SHISA9: variants seen among roughly 807,000 people sequenced by gnomAD.
The protein encoded by SHISA9 is shisa family member 9.
SHISA9 carries 13 observed loss-of-function variants against 38.0 expected under a neutral mutation model. The observed-to-expected ratio is 0.34, with a 90% CI of 0.22 to 0.54. The LOEUF (loss-of-function observed/expected upper bound fraction) is 0.54. Among genes scored for constraint, SHISA9 ranks in the 20% least tolerant of loss-of-function variants. The probability of loss-of-function intolerance (pLI) is 0.91; values close to 1 mark genes in which losing one functional copy is unlikely to be tolerated. For missense variants in SHISA9, 538 were observed against 575.8 expected (o/e 0.93, Z 0.67); for synonymous variants, 275 against 242.0 (o/e 1.14, Z -1.27).
At chr16:13,301,038 C>T in the SHISA9 span, among the ~76,000 whole-genome samples, 28 of 152,106 alleles carry the variant, frequency 1.8e-4, no homozygotes, top group South Asian at 5.4e-3. Flanking sequence ...ATCACCAATT[C>T]GTCTTTCCCT....
chr16:13,011,929 G>A (rs539085685), intron 2 of SHISA9, among the ~76,000 whole-genome samples: 4 of 151,496 alleles, frequency 2.6e-5, no homozygotes, highest in East Asian at 1.9e-4. Flanking sequence ...AGGTTCAAGC[G>A]ATTCTCATGC....
chr16:13,204,941 C>T (rs1001788550), intron 3 of SHISA9: 7 of 152,200 alleles, frequency 4.6e-5, no homozygotes, highest in African/African-American at 1.7e-4. Flanking sequence ...GATAGTTACC[C>T]TGACAGTGAC....
chr16:13,510,194 G>A, the SHISA9 span, among the ~76,000 whole-genome samples: 7 of 152,140 alleles, frequency 4.6e-5, no homozygotes. Flanking sequence ...TGTAATCCCA[G>A]CTACACGGGA....
At chr16:13,128,529 G>A (rs924487443) in intron 2 of SHISA9, among the ~76,000 whole-genome samples, 15 of 152,096 alleles carry the variant, frequency 9.9e-5, no homozygotes, top group African/African-American at 3.1e-4. Context: ...TACCTACCAT[G>A]TAGGATTGGT....
chr16:12,960,560 T>A (rs942109049), intron 2 of SHISA9, among the ~76,000 whole-genome samples: 1 of 152,132 alleles, frequency 6.6e-6, no homozygotes, highest in Non-Finnish European at 1.5e-5. Context: ...ATGTGGTACA[T>A]ATACACCATG....
the SHISA9 span, among the ~76,000 whole-genome samples, chr16:13,523,831 A>G: frequency 2.6e-5 from 4 of 152,250 alleles, no homozygotes; most frequent in Non-Finnish European, 4.4e-5. Context: ...TCCAAACCAT[A>G]TCAAATAGTA....
At chr16:13,052,358 T>A (rs2073262496) in intron 2 of SHISA9, among the ~76,000 whole-genome samples, 1 of 152,178 alleles carries the variant, frequency 6.6e-6, no homozygotes, top group Non-Finnish European at 1.5e-5. Context: ...CCTGAAATAT[T>A]TGGCTCTAAA....
chr16:12,944,760 G>A (rs549119197), intron 2 of SHISA9, among the ~76,000 whole-genome samples: 2 of 152,142 alleles, frequency 1.3e-5, no homozygotes, highest in South Asian at 4.1e-4. Flanking sequence ...TTGGAAAAAC[G>A]TAGGAATTTT....
chr16:13,176,233 G>A (rs1310846930), intron 2 of SHISA9, among the ~76,000 whole-genome samples: 2 of 152,032 alleles, frequency 1.3e-5, no homozygotes, highest in African/African-American at 4.8e-5. Flanking sequence ...TATATAGCCA[G>A]GCATATTTTG....
At chr16:13,018,396 G>T (rs2072782750) in intron 2 of SHISA9, among the ~76,000 whole-genome samples, 2 of 152,186 alleles carry the variant, frequency 1.3e-5, no homozygotes, top group African/African-American at 4.8e-5. Context: ...GGTATTGCCT[G>T]TTTCCTTTCT....
chr16:12,984,823 G>A (rs2072285623), intron 2 of SHISA9, among the ~76,000 whole-genome samples: 2 of 152,184 alleles, frequency 1.3e-5, no homozygotes, highest in African/African-American at 4.8e-5. Context: ...GGCTGCTGGA[G>A]CCACCCTATA....
the SHISA9 span, among the ~76,000 whole-genome samples, chr16:13,369,531 G>C: frequency 6.6e-6 from 1 of 151,878 alleles, no homozygotes; most frequent in Non-Finnish European, 1.5e-5. Context: ...ACTTTCTTGG[G>C]ACCCCAGAAG....
chr16:12,942,681 T>A (rs535609735), intron 2 of SHISA9, among the ~76,000 whole-genome samples: 12 of 152,240 alleles, frequency 7.9e-5, no homozygotes, highest in Non-Finnish European at 1.3e-4. Context: ...AACAATGTAG[T>A]TGACCGAATT....
At chr16:13,501,497 A>T in the SHISA9 span, among the ~76,000 whole-genome samples, 1 of 152,212 alleles carries the variant, frequency 6.6e-6, no homozygotes, top group African/African-American at 2.4e-5. Context: ...GGCAAGCATG[A>T]GCATGTCAGT....
At chr16:13,376,288 G>C in the SHISA9 span, among the ~76,000 whole-genome samples, 1 of 152,188 alleles carries the variant, frequency 6.6e-6, no homozygotes, top group Non-Finnish European at 1.5e-5. Flanking sequence ...AATATGTTCA[G>C]GTGATATTTT....
At chr16:13,320,774 A>C in the SHISA9 span, among the ~76,000 whole-genome samples, 1 of 152,202 alleles carries the variant, frequency 6.6e-6, no homozygotes, top group East Asian at 1.9e-4. Context: ...TGGCAAAAGC[A>C]CTGAAAGTTT....
At chr16:13,008,690 T>C (rs2072632506) in intron 2 of SHISA9, among the ~76,000 whole-genome samples, 1 of 127,784 alleles carries the variant, frequency 7.8e-6, no homozygotes, top group African/African-American at 2.9e-5. Flanking sequence ...TCTCTCTCTC[T>C]CTCTTTCCTG....
chr16:13,356,113 G>A, the SHISA9 span, among the ~76,000 whole-genome samples: 2 of 152,232 alleles, frequency 1.3e-5, no homozygotes, highest in Non-Finnish European at 2.9e-5. Context: ...TGCTGGAGAT[G>A]TGGCTGGGGT....
chr16:13,213,149 G>A (rs1218607957), intron 3 of SHISA9, 104 bp from the exon 4 acceptor site: 8 of 963,052 alleles, frequency 8.3e-6, no homozygotes, highest in South Asian at 4.5e-5. Flanking sequence ...TCCCTGCTTG[G>A]AGGCTGCAGC....
Sources: gnomAD v4.1 joint callset for allele counts (sites outside exome capture counted in the v4.1 genomes callset) on GRCh38, gnomAD v4.1.1 for gene constraint, MANE v1.5 for transcripts, NCBI Gene and HGNC (gene_info 2026-07-23, HGNC 2026-07-21) for gene names.